ABCA8: variants seen among roughly 807,000 people sequenced by gnomAD.
ABCA8 encodes ATP binding cassette subfamily A member 8.
In ABCA8, 177 loss-of-function variants were observed where a neutral mutation model predicts 192.3. The ratio of observed to expected loss-of-function variants is 0.92; its 90% CI spans 0.81 to 1.04. The LOEUF (loss-of-function observed/expected upper bound fraction) is 1.04, where lower values mean the gene tolerates loss of function less well. Ranked by LOEUF, ABCA8 falls within the 50% of genes least tolerant of loss-of-function variation. The pLI is 0.00. For synonymous variants in ABCA8, 642 were observed against 690.2 expected (o/e 0.93, Z 1.09); for missense variants, 1,915 against 1,904.8 (o/e 1.01, Z -0.10).
In ABCA8 at chr17:68,902,744, A is replaced by G; in HGVS notation, c.2733T>C (p.Pro911=). ...TATTGATGATCAGTAGTTGAGTGAGAGGGTCATGTGGTTGTTGTCCAGGAG... is the reference window on the plus strand; with the variant it reads ...TATTGATGATCAGTAGTTGAGTGAGGGGGTCATGTGGTTGTTGTCCAGGAG... ...FLAPGQQPHD[P]LTQLLIINKT... is the part of the protein sequence containing the mutation. Residue 911 remains proline (P), a synonymous_variant, in exon 21 of 40, where the codon CCT becomes CCC. Transcript: ENST00000586539. The G allele has an allele frequency of 6.2e-7, 1 of 1,613,668 alleles. No homozygotes were observed. The highest frequency in any genetic ancestry group is 8.5e-7 in the Non-Finnish European group (1 of 1,179,658).
intron 21 of ABCA8, among the ~76,000 whole-genome samples, chr17:68,901,582 C>T (rs1413183470): frequency 6.6e-6 from 1 of 151,942 alleles, no homozygotes; most frequent in East Asian, 1.9e-4. Flanking sequence ...CTGAGGCGGG[C>T]GGATCACGAG....
intron 7 of ABCA8, among the ~76,000 whole-genome samples, 176 bp from the exon 8 acceptor site, chr17:68,929,878 T>C (rs973212842): frequency 1.3e-5 from 2 of 151,906 alleles, no homozygotes; most frequent in African/African-American, 4.8e-5. Context: ...TTGGGCAGAA[T>C]TCTTTAGAAT....
chr17:68,924,394 C>A (rs1395636103), intron 11 of ABCA8, among the ~76,000 whole-genome samples: 4 of 149,974 alleles, frequency 2.7e-5, no homozygotes, highest in Non-Finnish European at 4.4e-5. Context: ...GAGTGAATAA[C>A]TGAGACCCAG....
intron 38 of ABCA8, among the ~76,000 whole-genome samples, chr17:68,869,436 C>T (rs960111929): frequency 3.3e-5 from 5 of 152,086 alleles, no homozygotes; most frequent in African/African-American, 1.2e-4. Context: ...TGAGTTTTGA[C>T]TTAGGTTTTA....
intron 23 of ABCA8, 43 bp downstream of exon 23, chr17:68,894,130 C>A: frequency 1.2e-6 from 2 of 1,602,236 alleles, no homozygotes; most frequent in Non-Finnish European, 1.7e-6. Context: ...TGGGAGATTC[C>A]TGATAGAGGA....
intron 3 of ABCA8, among the ~76,000 whole-genome samples, chr17:68,941,281 T>G (rs1426594029): frequency 6.6e-6 from 1 of 152,142 alleles, no homozygotes; most frequent in Non-Finnish European, 1.5e-5. Context: ...TTATAAATCC[T>G]GATCACATGC....
At chr17:68,879,851 G>A (rs2363753) in intron 32 of ABCA8, 122,246 of 152,510 alleles carry the variant, frequency 0.8, 49,346 homozygotes, top group East Asian at 0.99. Flanking sequence ...ACAAGTGTGG[G>A]AGGGAGTCCG....
At chr17:68,931,328 A>G (rs1350537064) in intron 7 of ABCA8, among the ~76,000 whole-genome samples, 1 of 152,234 alleles carries the variant, frequency 6.6e-6, no homozygotes, top group African/African-American at 2.4e-5. Context: ...TATACCATTC[A>G]TGGGGATAAA....
intron 24 of ABCA8, among the ~76,000 whole-genome samples, chr17:68,887,928 T>TGGATATAC (rs1427953384): frequency 9.0e-6 from 1 of 110,872 alleles, no homozygotes; most frequent in Non-Finnish European, 1.8e-5. Context: ...ATATATATTA[T>TGGATATAC]ATATGGATAT....
chr17:68,895,762 A>T (rs371150427), intron 21 of ABCA8, among the ~76,000 whole-genome samples: 113 of 152,226 alleles, frequency 7.4e-4, no homozygotes, highest in African/African-American at 2.4e-3. Flanking sequence ...TCATTTCCCC[A>T]CATCTGCGTT....
chr17:68,891,713 G>T, intron 23 of ABCA8, 117 bp from the exon 24 acceptor site: 1 of 655,704 alleles, frequency 1.5e-6, no homozygotes, highest in Non-Finnish European at 2.5e-6. Context: ...TCCCTTTTGA[G>T]ATTCCCAGAT....
intron 23 of ABCA8, among the ~76,000 whole-genome samples, chr17:68,892,926 C>G (rs1043376937): frequency 4.6e-5 from 7 of 152,126 alleles, no homozygotes; most frequent in South Asian, 2.1e-4. Flanking sequence ...CGGAAGATCT[C>G]TTGAGCCCAG....
rs141209192 is a variant in ABCA8 at position 68,887,366 on chromosome 17, G to A, written c.3285C>T (p.Asp1095=). The change falls in exon 25 of 40, where the codon GAC becomes GAT. Residue 1095 remains aspartate (D), a synonymous_variant. Coordinates refer to ENST00000586539, the MANE Select transcript of ABCA8 (RefSeq NM_001288985.2). The part of the protein sequence containing the change: ...YLMSYISNFE[D]MLLTIIHIIQ... ...TAATATGAATTATTGTAAGTAGCAT[G>A]TCTTCGAAGTTTGAAATGTAGCTCA... 80 of 1,610,100 alleles carry A rather than the reference G, an allele frequency of 5.0e-5. No individual in the cohort carries two copies. The East Asian group carries it at 1.7e-3, about 34-fold the overall frequency.
intron 31 of ABCA8, among the ~76,000 whole-genome samples, chr17:68,881,652 G>A (rs1024936558): frequency 6.6e-6 from 1 of 152,230 alleles, no homozygotes; most frequent in Non-Finnish European, 1.5e-5. Context: ...TTATTAGAGA[G>A]CTTATGGTTT....
At chr17:68,905,431 G>T (rs974364710) in intron 19 of ABCA8, among the ~76,000 whole-genome samples, 3 of 152,062 alleles carry the variant, frequency 2.0e-5, no homozygotes, top group African/African-American at 7.2e-5. Flanking sequence ...GAGCAGATGA[G>T]AAATAGTAAA....
chr17:68,932,216 A>C, intron 7 of ABCA8, 72 bp downstream of exon 7: 1 of 1,227,152 alleles, frequency 8.1e-7, no homozygotes. Flanking sequence ...TTTCAAAAAA[A>C]AAAAGATGCA....
At chr17:68,933,407 C>A in intron 5 of ABCA8, 136 bp from the exon 6 acceptor site, 1 of 577,530 alleles carries the variant, frequency 1.7e-6, no homozygotes, top group Non-Finnish European at 3.1e-6. Flanking sequence ...TGACTCAAAG[C>A]TTATGAAAAC....
intron 17 of ABCA8, among the ~76,000 whole-genome samples, chr17:68,908,483 C>A (rs1465688336): frequency 2.0e-5 from 3 of 151,998 alleles, no homozygotes; most frequent in South Asian, 4.1e-4. Flanking sequence ...CTAGTGCGGG[C>A]GTCAGGAAGA....
chr17:68,892,819 A>C (rs2066647875), intron 23 of ABCA8, among the ~76,000 whole-genome samples: 1 of 152,186 alleles, frequency 6.6e-6, no homozygotes, highest in Admixed American at 6.5e-5. Context: ...TGGTGTGAGA[A>C]GGAAACTGAA....
Sources: gnomAD v4.1 joint callset for allele counts (sites outside exome capture counted in the v4.1 genomes callset) on GRCh38, gnomAD v4.1.1 for gene constraint, MANE v1.5 for transcripts, NCBI Gene and HGNC (gene_info 2026-07-23, HGNC 2026-07-21) for gene names.